CDH4: variants seen among roughly 807,000 people sequenced by gnomAD.
The protein encoded by CDH4 is cadherin-4.
A neutral mutation model predicts 86.0 loss-of-function variants in CDH4; 33 were observed. The ratio of observed to expected loss-of-function variants is 0.38; its 90% CI spans 0.29 to 0.51. The LOEUF is 0.51. Ranked by LOEUF, CDH4 falls within the 20% of genes least tolerant of loss-of-function variation. The probability of loss-of-function intolerance (pLI) is 0.86; values close to 1 mark genes in which losing one functional copy is unlikely to be tolerated. For missense variants in CDH4, 1,114 were observed against 1,307.4 expected (o/e 0.85, Z 2.28); for synonymous variants, 555 against 549.4 (o/e 1.01, Z -0.14).
chr20:61,885,598 C>T (rs923098634), intron 7 of CDH4, among the ~76,000 whole-genome samples: 3 of 152,152 alleles, frequency 2.0e-5, no homozygotes, highest in African/African-American at 7.2e-5. Context: ...TGAACGAGGG[C>T]GTGTAAGTGT....
At chr20:61,567,909 G>T (rs909700728) in intron 2 of CDH4, among the ~76,000 whole-genome samples, 1 of 152,112 alleles carries the variant, frequency 6.6e-6, no homozygotes, top group African/African-American at 2.4e-5. Flanking sequence ...GGAGTTCAAG[G>T]CTACAGTGAG....
chr20:61,568,722 A>G (rs1038039794), intron 2 of CDH4, among the ~76,000 whole-genome samples: 1 of 152,172 alleles, frequency 6.6e-6, no homozygotes, highest in Non-Finnish European at 1.5e-5. Flanking sequence ...GTTTTGGCTC[A>G]GACACCGCCT....
At chr20:61,861,657 C>T (rs947178766) in intron 6 of CDH4, among the ~76,000 whole-genome samples, 1 of 151,864 alleles carries the variant, frequency 6.6e-6, no homozygotes, top group Non-Finnish European at 1.5e-5. Flanking sequence ...GAGCTCAAGG[C>T]GTCGGGCCGA....
chr20:61,393,899 T>C lies in CDH4; in HGVS notation c.169+138962T>C, dbSNP rs1472163355. On this transcript the variant is annotated intron_variant, in intron 2 of 15. Transcript: ENST00000614565. This position sits in a 1 kb window ranked among gnomAD's most constrained non-coding sequence, Gnocchi z 4.3. ...GGTCTGTAACGCCCCTGGAAAAGAG[T>C]GTGCACTTAATGTTACCATTAACAT... Among the ~76,000 whole-genome samples, 2 of 151,714 alleles carry C rather than the reference T, an allele frequency of 1.3e-5. No individual in the cohort carries two copies. The highest frequency in any genetic ancestry group is 1.9e-4 in the East Asian group (1 of 5,170).
chr20:61,713,705 G>A (rs558175343), intron 2 of CDH4, among the ~76,000 whole-genome samples: 5 of 152,218 alleles, frequency 3.3e-5, no homozygotes, highest in East Asian at 1.9e-4. Context: ...ATGAGCCTCC[G>A]TTTCCCCATG....
intron 2 of CDH4, among the ~76,000 whole-genome samples, chr20:61,637,935 C>T (rs895383499): frequency 6.6e-6 from 1 of 151,432 alleles, no homozygotes; most frequent in Middle Eastern, 3.5e-3. Context: ...GCAGGAGAAT[C>T]GCTGGAAGGA....
chr20:61,443,944 C>CTT (rs2085327576), intron 2 of CDH4, among the ~76,000 whole-genome samples: 2 of 126,870 alleles, frequency 1.6e-5, no homozygotes, highest in Admixed American at 1.7e-4. Flanking sequence ...TTGTGGATAT[C>CTT]TGTGTGTGTG....
intron 4 of CDH4, among the ~76,000 whole-genome samples, chr20:61,797,598 A>G (rs1011096199): frequency 1.8e-4 from 27 of 152,182 alleles, no homozygotes; most frequent in Admixed American, 1.6e-3. Flanking sequence ...CAGCCTAGGC[A>G]AGATAGCAAG....
At chr20:61,779,327 CA>C (rs912101226) in intron 4 of CDH4, among the ~76,000 whole-genome samples, 47 of 152,270 alleles carry the variant, frequency 3.1e-4, no homozygotes, top group African/African-American at 1.1e-3. Flanking sequence ...AGAAGTCATG[CA>C]AACCCTCGGG....
chr20:61,757,626 C>G (rs1435261987), intron 3 of CDH4, among the ~76,000 whole-genome samples: 1 of 152,200 alleles, frequency 6.6e-6, no homozygotes, highest in Non-Finnish European at 1.5e-5. Context: ...AAGGGCAGAC[C>G]TCAGTGCAGA....
chr20:61,896,104 T>C (rs1360138625), intron 8 of CDH4, among the ~76,000 whole-genome samples: 5 of 152,134 alleles, frequency 3.3e-5, no homozygotes, highest in Non-Finnish European at 1.5e-5. Flanking sequence ...GCAATGACAG[T>C]GGCACACCAG....
At chr20:61,849,615 G>A (rs887099716) in intron 5 of CDH4, among the ~76,000 whole-genome samples, 1 of 152,172 alleles carries the variant, frequency 6.6e-6, no homozygotes, top group Admixed American at 6.5e-5. Context: ...GCTGTGGCAG[G>A]TCTGGATCCT....
intron 2 of CDH4, among the ~76,000 whole-genome samples, chr20:61,348,148 C>T (rs2084690237): frequency 6.6e-6 from 1 of 152,106 alleles, no homozygotes; most frequent in African/African-American, 2.4e-5. Flanking sequence ...GAGACTGGGT[C>T]ATTTATAAAG....
intron 2 of CDH4, among the ~76,000 whole-genome samples, chr20:61,680,958 C>T (rs1264622633): frequency 2.0e-5 from 3 of 152,198 alleles, no homozygotes; most frequent in Non-Finnish European, 4.4e-5. Context: ...GCTCTCTGGG[C>T]AGTGAGGGCA....
intron 2 of CDH4, among the ~76,000 whole-genome samples, chr20:61,724,658 G>A (rs1022654919): frequency 3.9e-5 from 6 of 152,150 alleles, no homozygotes; most frequent in Non-Finnish European, 8.8e-5. Context: ...GGGGGCAGCA[G>A]TCAAGATGGG....
chr20:61,489,350 G>A lies in CDH4; in HGVS notation c.169+234413G>A, dbSNP rs192344746. On this transcript the variant is annotated intron_variant, in intron 2 of 15. Transcript: ENST00000614565. ...TGGTGCAAAAGTAATTGTGGTTTTTGCCATTACTTGGGTCAGCATTGTCAA... is the reference window on the plus strand; with the variant it reads ...TGGTGCAAAAGTAATTGTGGTTTTTACCATTACTTGGGTCAGCATTGTCAA... 4.1e-4 allele frequency among the ~76,000 whole-genome samples: 62 copies of A among 151,900 alleles called. No homozygotes were observed. In the East Asian group the frequency reaches 0.01, roughly 26 times the overall value.
chr20:61,342,802 G>A (rs556442270), intron 2 of CDH4, among the ~76,000 whole-genome samples: 1 of 152,360 alleles, frequency 6.6e-6, no homozygotes, highest in African/African-American at 2.4e-5. Flanking sequence ...GTTAATCATG[G>A]AGACCGTGAG....
chr20:61,536,610 T>C (rs2085999245), intron 2 of CDH4, among the ~76,000 whole-genome samples: 1 of 152,192 alleles, frequency 6.6e-6, no homozygotes, highest in Non-Finnish European at 1.5e-5. Flanking sequence ...AACAGGACTC[T>C]ATGATGCATT....
chr20:61,629,425 A>G (rs2086863616), intron 2 of CDH4, among the ~76,000 whole-genome samples: 1 of 152,180 alleles, frequency 6.6e-6, no homozygotes, highest in Non-Finnish European at 1.5e-5. Context: ...TTGGACTCCA[A>G]AGGTCTAGGG....
Sources: gnomAD v4.1 joint callset for allele counts (sites outside exome capture counted in the v4.1 genomes callset) on GRCh38, gnomAD v4.1.1 for gene constraint, Gnocchi (gnomAD v3.1) non-coding constraint, MANE v1.5 for transcripts, NCBI Gene and HGNC (gene_info 2026-07-23, HGNC 2026-07-21) for gene names.